The following PPARD variants were observed in gnomAD, a reference collection of about 807,000 sequenced individuals.
PPARD encodes the protein peroxisome proliferator activated receptor delta.
A neutral mutation model predicts 39.5 loss-of-function variants in PPARD; 6 were observed. The observed-to-expected ratio is 0.15, with a 90% confidence interval of 0.08 to 0.30. The LOEUF is 0.30. PPARD is among the 10% of genes least tolerant of loss of function. The pLI is 1.00. For synonymous variants in PPARD, 210 were observed against 231.3 expected (o/e 0.91, Z 0.83); for missense variants, 397 against 596.8 (o/e 0.67, Z 3.49).
At chr6:35,417,327 A>T (rs1455059957) in intron 3 of PPARD, among the ~76,000 whole-genome samples, 5 of 151,686 alleles carry the variant, frequency 3.3e-5, no homozygotes, top group African/African-American at 9.7e-5. Flanking sequence ...AAGTAGAGAC[A>T]GTCTTGCTTT....
chr6:35,348,723 G>C (rs1316654592), intron 2 of PPARD: 3 of 985,258 alleles, frequency 3.0e-6, no homozygotes, highest in Non-Finnish European at 3.6e-6. Flanking sequence ...GATCTTTCAG[G>C]AAGGTCCTGG....
At chr6:35,417,777 G>T (rs1374792066) in intron 3 of PPARD, among the ~76,000 whole-genome samples, 1 of 152,070 alleles carries the variant, frequency 6.6e-6, no homozygotes, top group Non-Finnish European at 1.5e-5. Context: ...TGATCCGCCC[G>T]CGTCGGCCTC....
intron 2 of PPARD, among the ~76,000 whole-genome samples, chr6:35,380,457 G>A (rs564042590): frequency 2.6e-3 from 76 of 28,884 alleles, no homozygotes; most frequent in African/African-American, 0.011. Context: ...AATTAACCTC[G>A]TGTTTTTTTT....
intron 2 of PPARD, among the ~76,000 whole-genome samples, chr6:35,397,981 T>C (rs1764447182): frequency 6.6e-6 from 1 of 152,128 alleles, no homozygotes; most frequent in South Asian, 2.1e-4. Flanking sequence ...AAAGGCCCAC[T>C]GAAGGCAGGA....
At chr6:35,382,127 C>T (rs1031003077) in intron 2 of PPARD, among the ~76,000 whole-genome samples, 1 of 152,140 alleles carries the variant, frequency 6.6e-6, no homozygotes, top group African/African-American at 2.4e-5. Context: ...CAGCAGTAGC[C>T]CCTAGAACCT....
Position 35,425,753 on chromosome 6 carries a change from GC to G in PPARD, c.1079-77del. On this transcript the variant is annotated intron_variant, in intron 7 of 7. Coordinates refer to ENST00000360694, the MANE Select transcript of PPARD (RefSeq NM_006238.5). This position sits in a 1 kb window ranked among gnomAD's most constrained non-coding sequence, Gnocchi z 4.5. ...GCCAAGGAGGCCTGCCGTCCCCTGG[GC>G]CAAGTCACCTCTTGGGGTGGAAGTA... 1 of 1,568,680 alleles carries G rather than the reference GC, an allele frequency of 6.4e-7. No individual in the cohort carries two copies. The highest frequency in any genetic ancestry group is 1.2e-5 in the South Asian group (1 of 84,456).
chr6:35,370,661 A>G (rs1762437527), intron 2 of PPARD, among the ~76,000 whole-genome samples: 1 of 152,114 alleles, frequency 6.6e-6, no homozygotes, highest in African/African-American at 2.4e-5. Flanking sequence ...GTGAAGAGTC[A>G]CCCCAGAGAA....
chr6:35,408,810 C>T (rs1765230767), intron 2 of PPARD, among the ~76,000 whole-genome samples: 1 of 152,222 alleles, frequency 6.6e-6, no homozygotes, highest in South Asian at 2.1e-4. Context: ...GAGTAAGTTG[C>T]AGAGATTGTA....
rs755334161 is a variant in PPARD at position 35,424,832 on chromosome 6, G to T, written c.1078+53G>T. ...GCCTGGCACACCCAGTCGTCCTGGG[G>T]GTTGGCCCTCACTGCAGGGCACTGT... On this transcript the variant is annotated intron_variant, in intron 7 of 7. Coordinates refer to ENST00000360694, the MANE Select transcript of PPARD (RefSeq NM_006238.5). This position sits in a 1 kb window ranked among gnomAD's most constrained non-coding sequence, Gnocchi z 7.1. 1.3e-6 allele frequency: 2 copies of T among 1,585,514 alleles called. No homozygotes were observed. Among genetic ancestry groups the T allele is most frequent in the South Asian group, 2.3e-5 (2 of 86,266 alleles).
Position 35,426,081 on chromosome 6 carries a change from G to A in PPARD, c.*2G>A, listed in dbSNP as rs771101831. 41 of 1,610,168 alleles carry A rather than the reference G, an allele frequency of 2.5e-5. No homozygotes were observed. The highest frequency in any genetic ancestry group is 1.7e-4 in the Middle Eastern group (1 of 6,060). The stretch of plus-strand genomic sequence containing the variant: ...GAGATCTACAAGGACATGTACTAAC[G>A]GCGGCACCCAGGCCTCCCTGCAGAC... On this transcript the variant is annotated 3_prime_UTR_variant, in exon 8 of 8. Coordinates refer to ENST00000360694, the MANE Select transcript of PPARD (RefSeq NM_006238.5).
chr6:35,347,219 A>G, intron 2 of PPARD, 69 bp downstream of exon 2: 1 of 1,494,408 alleles, frequency 6.7e-7, no homozygotes, highest in Non-Finnish European at 9.0e-7. Context: ...TAAGATCCTG[A>G]CCTTGAAGAT....
At chr6:35,408,021 CT>C (rs1765168834) in intron 2 of PPARD, among the ~76,000 whole-genome samples, 1 of 152,168 alleles carries the variant, frequency 6.6e-6, no homozygotes, top group South Asian at 2.1e-4. Flanking sequence ...ATTTTTTCAC[CT>C]AACAAGCAGT....
In PPARD at chr6:35,425,694, G is replaced by T; in HGVS notation, c.1079-138G>T. 1.5e-6 allele frequency: 2 copies of T among 1,290,880 alleles called. No homozygotes were observed. Among genetic ancestry groups the T allele is most frequent in the South Asian group, 2.8e-5 (2 of 71,382 alleles). The allele number at this position is 1,290,880 out of a possible 1,614,324, so 80.0% of individuals were successfully genotyped here. On this transcript the variant is annotated intron_variant, in intron 7 of 7. Coordinates refer to ENST00000360694, the MANE Select transcript of PPARD (RefSeq NM_006238.5). This position sits in a 1 kb window ranked among gnomAD's most constrained non-coding sequence, Gnocchi z 4.5. ...TAGGGAGATTAGAACACCCAGTGGA[G>T]CATTGCTGATGGGACAGGGCTTGGT...
intron 3 of PPARD, among the ~76,000 whole-genome samples, chr6:35,413,616 G>A (rs1765568010): frequency 6.6e-6 from 1 of 151,888 alleles, no homozygotes; most frequent in African/African-American, 2.4e-5. Flanking sequence ...GATGGGTGGG[G>A]AGGACTTGGT....
chr6:35,389,436 C>T (rs1474021345), intron 2 of PPARD, among the ~76,000 whole-genome samples: 4 of 152,118 alleles, frequency 2.6e-5, no homozygotes, highest in African/African-American at 7.2e-5. Flanking sequence ...CTCAGCCTCT[C>T]GAGTAGCTGG....
chr6:35,397,749 C>T (rs1009934082), intron 2 of PPARD, among the ~76,000 whole-genome samples: 6 of 152,172 alleles, frequency 3.9e-5, no homozygotes, highest in Admixed American at 3.3e-4. Context: ...AATATATATA[C>T]ACTCTGCCAG....
intron 2 of PPARD, among the ~76,000 whole-genome samples, chr6:35,374,982 G>T (rs1219556011): frequency 6.6e-6 from 1 of 152,018 alleles, no homozygotes; most frequent in Non-Finnish European, 1.5e-5. Flanking sequence ...AGGTCTGATG[G>T]CACTAGTGCT....
intron 2 of PPARD, among the ~76,000 whole-genome samples, chr6:35,388,054 T>G (rs1412497087): frequency 6.6e-6 from 1 of 151,426 alleles, no homozygotes; most frequent in African/African-American, 2.4e-5. Context: ...AGCTTTTTTG[T>G]TGTACATATG....
At position 35,425,308 on chromosome 6, in the gene PPARD, G is replaced by A. The variant is rs1403593105; in HGVS notation, c.1079-524G>A. On this transcript the variant is annotated intron_variant, in intron 7 of 7. Transcript: ENST00000360694. The surrounding 1 kb of genome is among the most constrained non-coding windows in gnomAD (Gnocchi z 4.5). Reference sequence around the variant, plus strand: ...GAAAAGGACTAACAGGCAGTATGCTGTCATGTTAATGTGGGGTGGAAAAAT... The same window carrying A: ...GAAAAGGACTAACAGGCAGTATGCTATCATGTTAATGTGGGGTGGAAAAAT... 9.9e-7 allele frequency: 1 copy of A among 1,006,238 alleles called. No homozygotes were observed. Among genetic ancestry groups the A allele is most frequent in the Non-Finnish European group, 1.2e-6 (1 of 841,988 alleles). 62.3% of individuals were successfully genotyped at this position (1,006,238 alleles called of 1,614,324 possible).
Sources: allele counts gnomAD v4.1 joint callset (sites outside exome capture counted in the v4.1 genomes callset), GRCh38; gene constraint gnomAD v4.1.1; non-coding constraint Gnocchi (gnomAD v3.1); transcripts MANE v1.5; gene names NCBI Gene and HGNC (gene_info 2026-07-23, HGNC 2026-07-21).